Variants in PTPRT observed in about 807,000 individuals in gnomAD.
PTPRT encodes the protein receptor-type tyrosine-protein phosphatase T.
Under a neutral mutation model 176.8 loss-of-function variants are expected in PTPRT, and 56 were observed. That is an observed-to-expected ratio of 0.32 (90% CI 0.26 to 0.40). The LOEUF (loss-of-function observed/expected upper bound fraction) is 0.40, where lower values mean the gene tolerates loss of function less well. Among genes scored for constraint, PTPRT ranks in the 10% least tolerant of loss-of-function variants. The probability of loss-of-function intolerance (pLI) is 1.00; values close to 1 mark genes in which losing one functional copy is unlikely to be tolerated. For synonymous variants in PTPRT, 783 were observed against 739.0 expected (o/e 1.06, Z -0.96); for missense variants, 1,540 against 1,908.2 (o/e 0.81, Z 3.60).
At chr20:42,184,537 CTTCCTCTTCTTCTTCTTCTTCTTA>C (rs1161897675) in intron 16 of PTPRT, among the ~76,000 whole-genome samples, 1 of 102,934 alleles carries the variant, frequency 9.7e-6, no homozygotes, top group Non-Finnish European at 1.9e-5. Context: ...TCTTCTTCCT[CTTCCTCTTCTTCTTCTTCTTCTTA>C]TTCTTCTTCT....
intron 1 of PTPRT, among the ~76,000 whole-genome samples, chr20:42,944,541 A>C (rs1029324162): frequency 9.2e-5 from 14 of 152,142 alleles, no homozygotes; most frequent in African/African-American, 3.4e-4. Context: ...GCTACTTTCC[A>C]CTTGCTGTTC....
rs184137903 is a variant in PTPRT, at chr20:42,444,328, G to T, written c.1560+3892C>A. On this transcript the variant is annotated intron_variant, in intron 9 of 30. Transcript: ENST00000373187. ...AACTCCAAAAAGAGGTAGAATTTTT[G>T]ATTTCATGGGTTTGACATAGATTTA... Among the ~76,000 whole-genome samples, 30 of 152,280 alleles carry T rather than the reference G, an allele frequency of 2.0e-4. No individual in the cohort carries two copies. The East Asian group carries it at 5.2e-3, about 26-fold the overall frequency.
At chr20:42,620,946 C>T (rs532006195) in intron 7 of PTPRT, among the ~76,000 whole-genome samples, 3 of 152,240 alleles carry the variant, frequency 2.0e-5, no homozygotes, top group Admixed American at 6.5e-5. Flanking sequence ...TGTTCCTATT[C>T]GGCCATCTTG....
chr20:42,039,812 T>A, the PTPRT span, among the ~76,000 whole-genome samples: 3 of 151,580 alleles, frequency 2.0e-5, no homozygotes, highest in Admixed American at 2.0e-4. Flanking sequence ...AATATTCCAT[T>A]GTGTATATAT....
intron 1 of PTPRT, among the ~76,000 whole-genome samples, chr20:42,920,051 T>G (rs752046284): frequency 6.6e-6 from 1 of 152,214 alleles, no homozygotes; most frequent in Non-Finnish European, 1.5e-5. Context: ...GCAGTTTGCA[T>G]TTTGAATGTC....
chr20:42,389,857 A>AG (rs1223779624), intron 9 of PTPRT, among the ~76,000 whole-genome samples: 2 of 102,630 alleles, frequency 1.9e-5, no homozygotes, highest in African/African-American at 8.6e-5. Flanking sequence ...CCTGTCAAAA[A>AG]AAAAAAAAAA....
At chr20:42,465,370 C>T (rs2071086463) in intron 8 of PTPRT, among the ~76,000 whole-genome samples, 2 of 152,138 alleles carry the variant, frequency 1.3e-5, no homozygotes, top group South Asian at 2.1e-4. Flanking sequence ...CTATTTGCTA[C>T]AGTATTATTT....
intron 3 of PTPRT, among the ~76,000 whole-genome samples, chr20:42,784,519 A>G (rs935028943): frequency 1.3e-5 from 2 of 152,134 alleles, no homozygotes; most frequent in Admixed American, 6.6e-5. Context: ...TGCTTAGTGG[A>G]GAGAAGTGGG....
At chr20:42,872,874 A>T (rs1289024616) in intron 2 of PTPRT, among the ~76,000 whole-genome samples, 1 of 152,178 alleles carries the variant, frequency 6.6e-6, no homozygotes, top group Non-Finnish European at 1.5e-5. Context: ...GGTTAGTGAC[A>T]GATCTGGGAT....
intron 7 of PTPRT, among the ~76,000 whole-genome samples, chr20:42,573,741 C>CTTT (rs1568987818): frequency 1.0e-5 from 1 of 98,156 alleles, no homozygotes; most frequent in Non-Finnish European, 2.1e-5. Context: ...CGGACCCTTT[C>CTTT]TTTCTTTCTT....
At chr20:42,973,130 T>G (rs1982750240) in intron 1 of PTPRT, among the ~76,000 whole-genome samples, 2 of 150,658 alleles carry the variant, frequency 1.3e-5, no homozygotes. Flanking sequence ...CAAGCAGAGA[T>G]GGAGAGAAGA....
chr20:42,397,835 T>C (rs761906079), intron 9 of PTPRT, among the ~76,000 whole-genome samples: 1 of 152,188 alleles, frequency 6.6e-6, no homozygotes, highest in Admixed American at 6.5e-5. Context: ...CAAATGGTAG[T>C]TCAACTCTTG....
chr20:42,967,329 T>C (rs1467281713), intron 1 of PTPRT, among the ~76,000 whole-genome samples: 1 of 152,186 alleles, frequency 6.6e-6, no homozygotes, highest in African/African-American at 2.4e-5. Context: ...GATGAGATCA[T>C]CCTGGTTTAC....
chr20:42,248,213 A>G (rs568396278), intron 14 of PTPRT, among the ~76,000 whole-genome samples: 1 of 152,284 alleles, frequency 6.6e-6, no homozygotes, highest in Non-Finnish European at 1.5e-5. Flanking sequence ...TGTAGACTCT[A>G]TCTCTCATGG....
intron 18 of PTPRT, among the ~76,000 whole-genome samples, chr20:42,131,543 G>A (rs575581660): frequency 3.9e-5 from 6 of 152,256 alleles, no homozygotes; most frequent in Admixed American, 6.5e-5. Flanking sequence ...AAAAAGAAAC[G>A]AACTTATTTA....
chr20:43,082,501 G>A (rs1287046176), intron 1 of PTPRT, among the ~76,000 whole-genome samples: 1 of 151,894 alleles, frequency 6.6e-6, no homozygotes, highest in African/African-American at 2.4e-5. Flanking sequence ...TCCTCTACCT[G>A]TGATCTTTCA....
intron 15 of PTPRT, among the ~76,000 whole-genome samples, chr20:42,232,983 T>C (rs1014757): frequency 0.31 from 47,762 of 151,816 alleles, 8,690 homozygotes; most frequent in East Asian, 0.39. Context: ...GCATCTGCTA[T>C]GGCCAACCAA....
intron 1 of PTPRT, among the ~76,000 whole-genome samples, chr20:43,073,382 G>T (rs963278450): frequency 6.6e-6 from 1 of 151,644 alleles, no homozygotes; most frequent in Non-Finnish European, 1.5e-5. Context: ...GACCCTTCTG[G>T]GCTGTTACTC....
chr20:42,570,908 TCA>T (rs1476751984), intron 7 of PTPRT, among the ~76,000 whole-genome samples: 3 of 147,396 alleles, frequency 2.0e-5, no homozygotes, highest in Non-Finnish European at 4.5e-5. Flanking sequence ...GGCAACATAT[TCA>T]CAGATTCTGG....
Sources: gnomAD v4.1 joint callset for allele counts (sites outside exome capture counted in the v4.1 genomes callset) on GRCh38, gnomAD v4.1.1 for gene constraint, MANE v1.5 for transcripts, NCBI Gene and HGNC (gene_info 2026-07-23, HGNC 2026-07-21) for gene names.